The following PCDHA9 variants were observed in gnomAD, a reference collection of about 807,000 sequenced individuals.
The protein encoded by PCDHA9 is protocadherin alpha-9.
Under a neutral mutation model 62.0 loss-of-function variants are expected in PCDHA9, and 62 were observed. The observed-to-expected ratio is 1.00, with a 90% CI of 0.81 to 1.23. The LOEUF is 1.23. Ranked by LOEUF, PCDHA9 falls within the 50% of genes most tolerant of loss-of-function variation. The probability of loss-of-function intolerance (pLI) is 0.00; values close to 1 mark genes in which losing one functional copy is unlikely to be tolerated. For synonymous variants in PCDHA9, 557 were observed against 567.6 expected (o/e 0.98, Z 0.27); for missense variants, 1,205 against 1,249.8 (o/e 0.96, Z 0.54).
chr5:140,890,632 T>C (rs561301430), intron 1 of PCDHA9, among the ~76,000 whole-genome samples: 28 of 152,330 alleles, frequency 1.8e-4, no homozygotes, highest in African/African-American at 6.0e-4. Context: ...ATTAAGCATG[T>C]ATCCTTGATA....
chr5:140,870,509 C>T, intron 1 of PCDHA9: 2 of 1,614,230 alleles, frequency 1.2e-6, no homozygotes, highest in Non-Finnish European at 1.7e-6. Context: ...AACAACCCAC[C>T]AGGCTGCCAC....
In PCDHA9 at chr5:140,871,299, G is replaced by T. The variant is rs782459625; in HGVS notation, c.2394+20410G>T. On this transcript the variant is annotated intron_variant, in intron 1 of 3. Coordinates refer to ENST00000532602, the MANE Select transcript of PCDHA9 (RefSeq NM_031857.2). The stretch of plus-strand genomic sequence containing the variant: ...CAACGCCCACTGAGGGCGCGTGCGC[G>T]CCGGGGAAGCCCACGCTGGTGTGCT... 1.5e-5 allele frequency: 24 copies of T among 1,613,798 alleles called. No homozygotes were observed. In the East Asian group the frequency reaches 5.3e-4, roughly 36 times the overall value.
intron 1 of PCDHA9, among the ~76,000 whole-genome samples, chr5:140,920,659 C>T (rs1325541731): frequency 1.3e-5 from 2 of 152,098 alleles, no homozygotes; most frequent in East Asian, 3.9e-4. Flanking sequence ...TCCTTGCCAA[C>T]ATGGTGAAAC....
intron 1 of PCDHA9, chr5:140,966,328 CG>C: frequency 2.5e-6 from 1 of 392,484 alleles, no homozygotes; most frequent in Non-Finnish European, 4.5e-6. Flanking sequence ...CGCTGGGATC[CG>C]GCAGGTCCAG....
chr5:140,869,103 G>A, intron 1 of PCDHA9: 1 of 1,600,312 alleles, frequency 6.2e-7, no homozygotes, highest in Non-Finnish European at 8.5e-7. Context: ...TTTCGTATGC[G>A]ATGTTTGGTT....
intron 1 of PCDHA9, chr5:140,861,780 G>A (rs2047084073): frequency 1.2e-5 from 2 of 161,142 alleles, no homozygotes; most frequent in African/African-American, 2.4e-5. Flanking sequence ...CCAAGAGCAG[G>A]TAAAACCACT....
At chr5:140,868,451 C>T (rs917526467) in intron 1 of PCDHA9, 1 of 152,302 alleles carries the variant, frequency 6.6e-6, no homozygotes, top group African/African-American at 2.4e-5. Flanking sequence ...AACATAAACA[C>T]TAAAGAGCTG....
chr5:140,990,895 G>A (rs550774822), intron 3 of PCDHA9, among the ~76,000 whole-genome samples: 15 of 152,284 alleles, frequency 9.9e-5, no homozygotes, highest in Non-Finnish European at 1.9e-4. Flanking sequence ...GTGGGTCGTT[G>A]CTGGGTCAAG....
At chr5:140,975,520 T>G (rs2153807475) in intron 1 of PCDHA9, among the ~76,000 whole-genome samples, 1 of 152,342 alleles carries the variant, frequency 6.6e-6, no homozygotes, top group East Asian at 1.9e-4. Flanking sequence ...AAATCTGCAG[T>G]GGATATATTC....
intron 1 of PCDHA9, chr5:140,870,178 C>T (rs2051730547): frequency 2.5e-6 from 4 of 1,614,094 alleles, no homozygotes; most frequent in East Asian, 2.2e-5. Context: ...CCTCCCAGTA[C>T]GAGAGGACGC....
At chr5:140,977,661 CTGCA>C (rs1554238727) in intron 1 of PCDHA9, among the ~76,000 whole-genome samples, 1 of 152,168 alleles carries the variant, frequency 6.6e-6, no homozygotes, top group Non-Finnish European at 1.5e-5. Flanking sequence ...GGCTAATTCT[CTGCA>C]TGCCAAATAT....
chr5:140,960,253 G>A (rs1554224599), intron 1 of PCDHA9, among the ~76,000 whole-genome samples: 1 of 152,178 alleles, frequency 6.6e-6, no homozygotes, highest in African/African-American at 2.4e-5. Context: ...GCTTCCTGGA[G>A]CTTCTGATAA....
At chr5:140,872,294 T>C in intron 1 of PCDHA9, among the ~76,000 whole-genome samples, 1 of 152,190 alleles carries the variant, frequency 6.6e-6, no homozygotes, top group East Asian at 1.9e-4. Flanking sequence ...AAGCCTTGCA[T>C]TCTTATATGC....
Position 140,857,753 on chromosome 5 carries a change from G to C in PCDHA9, c.2394+6864G>C, listed in dbSNP as rs782054220. 1.3e-5 allele frequency: 20 copies of C among 1,597,296 alleles called. No individual in the cohort carries two copies. The East Asian group carries it at 4.5e-4, about 36-fold the overall frequency. On this transcript the variant is annotated intron_variant, in intron 1 of 3. Coordinates refer to ENST00000532602, the MANE Select transcript of PCDHA9 (RefSeq NM_031857.2). ...CGCTCCCGCGCTGCTGGCGTCTCCC[G>C]CTGGCAGCGCGGGCGGTGCAGTCAG... is the stretch of plus-strand genomic sequence containing the variant.
intron 1 of PCDHA9, among the ~76,000 whole-genome samples, chr5:140,938,665 G>A (rs542703903): frequency 7.1e-4 from 108 of 152,106 alleles, no homozygotes; most frequent in Admixed American, 1.2e-3. Context: ...ATTAGACTTA[G>A]TTTCCTAACA....
At chr5:140,925,187 C>T (rs2082372782) in intron 1 of PCDHA9, among the ~76,000 whole-genome samples, 1 of 152,134 alleles carries the variant, frequency 6.6e-6, no homozygotes, top group Admixed American at 6.5e-5. Flanking sequence ...TGTACCATCA[C>T]CCAGCTTCAA....
chr5:140,857,681 G>A (rs2044790199), intron 1 of PCDHA9: 5 of 1,596,954 alleles, frequency 3.1e-6, no homozygotes, highest in East Asian at 4.5e-5. Context: ...GCCGCCTCTG[G>A]GCAGCAACTT....
At chr5:140,899,111 A>G (rs2067143820) in intron 1 of PCDHA9, among the ~76,000 whole-genome samples, 1 of 152,186 alleles carries the variant, frequency 6.6e-6, no homozygotes, top group Admixed American at 6.5e-5. Context: ...GGGGTTTTCT[A>G]GATATACAAT....
chr5:140,856,181 G>T lies in PCDHA9; in HGVS notation c.2394+5292G>T, dbSNP rs781803033. 1.1e-5 allele frequency: 18 copies of T among 1,598,112 alleles called. 2 individuals are homozygous for T. Among genetic ancestry groups the T allele is most frequent in the Middle Eastern group, 3.4e-4 (2 of 5,944 alleles). On this transcript the variant is annotated intron_variant, in intron 1 of 3. Coordinates refer to ENST00000532602, the MANE Select transcript of PCDHA9 (RefSeq NM_031857.2). Reference sequence around the variant, plus strand: ...GGAGGCCAGACACGGCACCTTCGTGGGCCGCATCGCGCAGGACCTGGGGCT... The same window carrying T: ...GGAGGCCAGACACGGCACCTTCGTGTGCCGCATCGCGCAGGACCTGGGGCT...
Sources: gnomAD v4.1 joint callset for allele counts (sites outside exome capture counted in the v4.1 genomes callset) on GRCh38, gnomAD v4.1.1 for gene constraint, MANE v1.5 for transcripts, NCBI Gene and HGNC (gene_info 2026-07-23, HGNC 2026-07-21) for gene names.